The following ADARB1 variants were observed in gnomAD, a reference collection of about 807,000 sequenced individuals.
ADARB1 encodes adenosine deaminase RNA specific B1, also known as double-stranded RNA-specific editase 1.
In ADARB1, 10 loss-of-function variants were observed where a neutral mutation model predicts 52.4. That is an observed-to-expected ratio of 0.19 (90% CI 0.12 to 0.32). The LOEUF (loss-of-function observed/expected upper bound fraction) is 0.32. Ranked by LOEUF, ADARB1 falls within the 10% of genes least tolerant of loss-of-function variation. The pLI, the probability that ADARB1 is intolerant of heterozygous loss-of-function variation, is 1.00. For missense variants in ADARB1, 643 were observed against 922.3 expected, an observed-to-expected ratio of 0.70 and a Z score of 3.92; for synonymous variants, 349 against 371.1, an observed-to-expected ratio of 0.94 and a Z score of 0.68.
chr21:45,199,393 A>G (rs2092500195), intron 8 of ADARB1, among the ~76,000 whole-genome samples: 1 of 152,120 alleles, frequency 6.6e-6, no homozygotes, highest in African/African-American at 2.4e-5. Context: ...GGGCTTACAC[A>G]CTCAGCCACC....
intron 1 of ADARB1, among the ~76,000 whole-genome samples, chr21:45,123,621 G>A (rs868711008): frequency 6.6e-6 from 1 of 151,400 alleles, no homozygotes; most frequent in South Asian, 2.1e-4. Context: ...TTGTTTTTGA[G>A]ACAGTGTCTC....
chr21:45,210,942 C>T (rs1332001101), intron 9 of ADARB1, among the ~76,000 whole-genome samples: 1 of 152,280 alleles, frequency 6.6e-6, no homozygotes, highest in Non-Finnish European at 1.5e-5. Context: ...GAGCCCACCT[C>T]ACTCAGGACC....
At chr21:45,187,581 T>G (rs1380653389) in intron 8 of ADARB1, among the ~76,000 whole-genome samples, 1 of 152,248 alleles carries the variant, frequency 6.6e-6, no homozygotes, top group African/African-American at 2.4e-5. Flanking sequence ...ATCCTTGCAT[T>G]GTACCTGATC....
intron 2 of ADARB1, among the ~76,000 whole-genome samples, chr21:45,163,082 T>C (rs1438594096): frequency 2.0e-5 from 3 of 152,250 alleles, no homozygotes; most frequent in Non-Finnish European, 4.4e-5. Context: ...ATGAGGTGTT[T>C]CTGTTCCTTA....
At chr21:45,197,945 G>A (rs2092462056) in intron 8 of ADARB1, among the ~76,000 whole-genome samples, 1 of 152,062 alleles carries the variant, frequency 6.6e-6, no homozygotes, top group Non-Finnish European at 1.5e-5. Flanking sequence ...GGAGGTTTGG[G>A]GAGTGAGGTC....
intron 9 of ADARB1, among the ~76,000 whole-genome samples, chr21:45,206,684 C>T (rs1165551138): frequency 6.8e-6 from 1 of 147,628 alleles, no homozygotes; most frequent in Non-Finnish European, 1.5e-5. Flanking sequence ...AGCAATTGTC[C>T]TGCCTCAGCC....
intron 2 of ADARB1, among the ~76,000 whole-genome samples, chr21:45,168,994 A>G (rs1220923747): frequency 6.6e-6 from 1 of 152,170 alleles, no homozygotes; most frequent in Admixed American, 6.5e-5. Context: ...ATGCTGTCTC[A>G]TTACTGCTGG....
intron 1 of ADARB1, among the ~76,000 whole-genome samples, chr21:45,119,328 C>A (rs1357745213): frequency 6.6e-6 from 1 of 152,192 alleles, no homozygotes; most frequent in Non-Finnish European, 1.5e-5. Flanking sequence ...TAGGCTCAAG[C>A]CATCCTCCCA....
At chr21:45,218,955 T>C (rs1052952712) in intron 9 of ADARB1, among the ~76,000 whole-genome samples, 1 of 152,236 alleles carries the variant, frequency 6.6e-6, no homozygotes, top group Non-Finnish European at 1.5e-5. Flanking sequence ...ATATGAATTA[T>C]CAAGCTCAAT....
chr21:45,217,794 T>C (rs1385530818), intron 9 of ADARB1, among the ~76,000 whole-genome samples: 2 of 152,210 alleles, frequency 1.3e-5, no homozygotes, highest in African/African-American at 4.8e-5. Flanking sequence ...GAAAGTATTT[T>C]GCTTTCATTT....
chr21:45,131,031 C>T (rs1444305787), intron 2 of ADARB1, among the ~76,000 whole-genome samples: 2 of 152,164 alleles, frequency 1.3e-5, no homozygotes, highest in East Asian at 1.9e-4. Flanking sequence ...TATTTATTAA[C>T]TCATCTTTTT....
intron 1 of ADARB1, among the ~76,000 whole-genome samples, chr21:45,088,238 G>T (rs1205193466): frequency 6.6e-6 from 1 of 152,170 alleles, no homozygotes; most frequent in African/African-American, 2.4e-5. Flanking sequence ...GCAACAGGGA[G>T]CACACCTAAA....
Position 45,221,652 on chromosome 21 carries a change from G to A in ADARB1, c.1927-366G>A, listed in dbSNP as rs1045817665. Among the ~76,000 whole-genome samples, 1 of 152,180 alleles carries A rather than the reference G, an allele frequency of 6.6e-6. No individual in the cohort carries two copies. Among genetic ancestry groups the A allele is most frequent in the African/African-American group, 2.4e-5 (1 of 41,440 alleles). On this transcript the variant is annotated intron_variant, in intron 10 of 10. Transcript: ENST00000348831. This position sits in a 1 kb window ranked among gnomAD's most constrained non-coding sequence, Gnocchi z 4.9. The stretch of plus-strand genomic sequence containing the variant: ...GTCCACACAGAAGGAGTTACTGGCC[G>A]CATGAGGGAAGGCCTCCGAGGTCAT...
intron 1 of ADARB1, among the ~76,000 whole-genome samples, chr21:45,075,608 A>G (rs1276399677): frequency 9.2e-5 from 14 of 152,260 alleles, no homozygotes; most frequent in Non-Finnish European, 1.5e-4. Context: ...ACGTGTTCAC[A>G]TCAGAAGGAA....
rs764537444 is a variant in ADARB1 at position 45,176,621 on chromosome 21, G to A, written c.920G>A (p.Arg307His). ...TTGCACTTGGATCAGACGCCATCTC[G>A]CCAGCCTATTCCCAGTGAGGGTCTT... ...FNLHLDQTPS[R>H]QPIPSEGLQL... Residue 307 changes from arginine to histidine, a missense_variant, in exon 4 of 11, where the codon CGC (arginine) becomes CAC (histidine). By Grantham distance (29) the Arg-to-His change is conservative. Around this residue, in one of 2 missense-constraint regions of ADARB1, gnomAD observed 380 missense variants for 446.5 expected, o/e 0.85. Coordinates refer to ENST00000348831, the MANE Select transcript of ADARB1 (RefSeq NM_001112.4). This position sits in a 1 kb window ranked among gnomAD's most constrained non-coding sequence, Gnocchi z 5.8. 68 of 1,613,444 alleles carry A rather than the reference G, an allele frequency of 4.2e-5. No individual in the cohort carries two copies. Among genetic ancestry groups the A allele is most frequent in the Non-Finnish European group, 5.5e-5 (65 of 1,179,756 alleles).
intron 2 of ADARB1, among the ~76,000 whole-genome samples, chr21:45,150,100 A>G (rs1291515490): frequency 1.3e-5 from 2 of 152,236 alleles, no homozygotes; most frequent in Non-Finnish European, 2.9e-5. Flanking sequence ...CCTGACCAAC[A>G]TGGTGAAACC....
chr21:45,183,635 A>G (rs985465249), intron 7 of ADARB1, 125 bp downstream of exon 7: 2 of 1,108,418 alleles, frequency 1.8e-6, no homozygotes, highest in Non-Finnish European at 2.5e-6. Context: ...TGGATCTGAT[A>G]AGAGTCTCTA....
Position 45,225,436 on chromosome 21 carries a change from G to A in ADARB1, c.*3239G>A, listed in dbSNP as rs546779858. On this transcript the variant is annotated 3_prime_UTR_variant, in exon 11 of 11. Transcript: ENST00000348831. ...AATGTGCAAGCCAGTATCTCACAAG[G>A]CATGGATTTCTGTGGAATTTATTTT... 78 of 1,302,908 alleles carry A rather than the reference G, an allele frequency of 6.0e-5. No individual in the cohort carries two copies. In the African/African-American group the frequency reaches 1.1e-3, roughly 18 times the overall value. 80.7% of individuals were successfully genotyped at this position (1,302,908 alleles called of 1,614,324 possible).
At position 45,221,565 on chromosome 21, in the gene ADARB1, C is replaced by T. The variant is rs1420232198; in HGVS notation, c.1927-453C>T. 2.6e-5 allele frequency among the ~76,000 whole-genome samples: 4 copies of T among 152,292 alleles called. No homozygotes were observed. The East Asian group carries it at 5.8e-4, about 22-fold the overall frequency. On this transcript the variant is annotated intron_variant, in intron 10 of 10. Coordinates refer to ENST00000348831, the MANE Select transcript of ADARB1 (RefSeq NM_001112.4). The surrounding 1 kb of genome is among the most constrained non-coding windows in gnomAD (Gnocchi z 4.9). Reference sequence around the variant, plus strand: ...GCATGGGAGGTATAGCCAGAAGGGACAGTGCCCGGGAGGGTCCTGTTCACC... The same window carrying T: ...GCATGGGAGGTATAGCCAGAAGGGATAGTGCCCGGGAGGGTCCTGTTCACC...
Sources: allele counts gnomAD v4.1 joint callset (sites outside exome capture counted in the v4.1 genomes callset), GRCh38; gene constraint gnomAD v4.1.1; regional missense constraint gnomAD v4.1.1; non-coding constraint Gnocchi (gnomAD v3.1); transcripts MANE v1.5; gene names NCBI Gene and HGNC (gene_info 2026-07-23, HGNC 2026-07-21).